The following PARM1 variants were observed in gnomAD, a reference collection of about 807,000 sequenced individuals.
The protein encoded by PARM1 is WSC4, cell wall integrity and stress response component 4 homolog.
In PARM1, 14 loss-of-function variants were observed where a neutral mutation model predicts 24.6. That is an observed-to-expected ratio of 0.57 (90% CI 0.38 to 0.89). The LOEUF (loss-of-function observed/expected upper bound fraction) is 0.89. Ranked by LOEUF, PARM1 falls within the 40% of genes least tolerant of loss-of-function variation. PARM1 has a pLI of 0.00. For synonymous variants in PARM1, 179 were observed against 156.6 expected, an observed-to-expected ratio of 1.14 and a Z score of -1.07; for missense variants, 362 against 380.4, an observed-to-expected ratio of 0.95 and a Z score of 0.40.
intron 2 of PARM1, among the ~76,000 whole-genome samples, chr4:75,023,296 G>C (rs1723122217): frequency 6.6e-6 from 1 of 152,164 alleles, no homozygotes; most frequent in Non-Finnish European, 1.5e-5. Flanking sequence ...TATCACAGGT[G>C]TTCCATTTTC....
chr4:74,950,792 CTG>C (rs1721507649), intron 1 of PARM1, among the ~76,000 whole-genome samples: 2 of 150,570 alleles, frequency 1.3e-5, no homozygotes, highest in South Asian at 4.2e-4. Context: ...CTTGATGAGA[CTG>C]TTTAAATCAG....
intron 1 of PARM1, chr4:74,956,721 G>C (rs1721642853): frequency 6.6e-6 from 1 of 152,196 alleles, no homozygotes; most frequent in Non-Finnish European, 1.5e-5. Flanking sequence ...CCTAGAACCT[G>C]AAGCCCAGTA....
At chr4:74,955,958 A>C (rs1442400966) in intron 1 of PARM1, 1 of 152,254 alleles carries the variant, frequency 6.6e-6, no homozygotes, top group Non-Finnish European at 1.5e-5. Flanking sequence ...TCCAAAAAAA[A>C]CTAATTCAAA....
chr4:74,957,120 A>G (rs1721653089), intron 1 of PARM1: 1 of 152,228 alleles, frequency 6.6e-6, no homozygotes, highest in Non-Finnish European at 1.5e-5. Context: ...ATCTAATAAG[A>G]TGCCAGCCAT....
chr4:74,959,254 C>T (rs145360507), intron 1 of PARM1, among the ~76,000 whole-genome samples: 1 of 152,216 alleles, frequency 6.6e-6, no homozygotes, highest in African/African-American at 2.4e-5. Flanking sequence ...AAGCTCTTAT[C>T]CTCCCCCCCA....
intron 1 of PARM1, among the ~76,000 whole-genome samples, chr4:74,978,592 A>C (rs906760496): frequency 2.6e-5 from 4 of 152,218 alleles, no homozygotes; most frequent in Non-Finnish European, 5.9e-5. Flanking sequence ...ACTTGAACTC[A>C]GCTCTGGATC....
In PARM1 at chr4:75,048,504, A is replaced by G. The variant is rs190820558; in HGVS notation, c.*2257A>G. Reference sequence around the variant, plus strand: ...AAAGCAGATAAAAACAGAACATTCCATATGTTTCTTTCTCCATCGGCCAAA... The same window carrying G: ...AAAGCAGATAAAAACAGAACATTCCGTATGTTTCTTTCTCCATCGGCCAAA... On this transcript the variant is annotated 3_prime_UTR_variant, in exon 4 of 4. Coordinates refer to ENST00000307428, the MANE Select transcript of PARM1 (RefSeq NM_015393.4). 5.7e-4 allele frequency: 87 copies of G among 152,264 alleles called. 3 individuals carry two copies. The highest frequency in any genetic ancestry group is 5.6e-3 in the Admixed American group (86 of 15,290). 9.4% of individuals were successfully genotyped at this position (152,264 alleles called of 1,614,324 possible). A position where few individuals can be genotyped will look rare whatever the true frequency, so the allele number is the denominator to read the frequency against.
chr4:74,934,987 C>CT (rs1721147244), intron 1 of PARM1, among the ~76,000 whole-genome samples: 1 of 56,700 alleles, frequency 1.8e-5, no homozygotes, highest in Non-Finnish European at 3.3e-5. Flanking sequence ...CCCCAAGAAG[C>CT]TCTTTTTTCT....
chr4:75,015,566 C>G (rs968497218), intron 2 of PARM1, among the ~76,000 whole-genome samples: 2 of 152,124 alleles, frequency 1.3e-5, no homozygotes, highest in African/African-American at 4.8e-5. Flanking sequence ...TGAGACCTAT[C>G]CTTTGAGATT....
At chr4:74,953,542 G>A (rs543798297) in intron 1 of PARM1, among the ~76,000 whole-genome samples, 11 of 152,320 alleles carry the variant, frequency 7.2e-5, no homozygotes, top group African/African-American at 2.6e-4. Flanking sequence ...GTGCCCAGGA[G>A]GCTAGGAGTA....
intron 1 of PARM1, among the ~76,000 whole-genome samples, chr4:74,936,991 G>T (rs1393447348): frequency 6.6e-6 from 1 of 152,046 alleles, no homozygotes; most frequent in Non-Finnish European, 1.5e-5. Flanking sequence ...CAGACGTATT[G>T]GTCCCTTGGT....
rs1334040663 is a variant in PARM1, at chr4:75,035,443, A to G, written c.848+1482A>G. ...TGGCGCACACACACAGACACCCCTG[A>G]CTTGTCCCCCAAGCAGCCATGTTTC... On this transcript the variant is annotated intron_variant, in intron 3 of 3. Coordinates refer to ENST00000307428, the MANE Select transcript of PARM1 (RefSeq NM_015393.4). 2.0e-5 allele frequency among the ~76,000 whole-genome samples: 3 copies of G among 152,006 alleles called. No individual in the cohort carries two copies. In the South Asian group the frequency reaches 6.2e-4, roughly 32 times the overall value.
At chr4:75,016,272 A>G (rs1331494934) in intron 2 of PARM1, among the ~76,000 whole-genome samples, 1 of 152,220 alleles carries the variant, frequency 6.6e-6, no homozygotes, top group Non-Finnish European at 1.5e-5. Context: ...GAGCACGATC[A>G]TTAAGGGTGG....
At chr4:74,973,372 G>T (rs560596282) in intron 1 of PARM1, among the ~76,000 whole-genome samples, 1 of 152,184 alleles carries the variant, frequency 6.6e-6, no homozygotes, top group Admixed American at 6.5e-5. Context: ...GTGTTTAAAA[G>T]AATAAATGAT....
At chr4:74,979,978 A>G (rs964301919) in intron 1 of PARM1, among the ~76,000 whole-genome samples, 1 of 152,314 alleles carries the variant, frequency 6.6e-6, no homozygotes, top group African/African-American at 2.4e-5. Context: ...CAAAATAATA[A>G]GAGCCATTTA....
At chr4:74,945,772 C>G (rs1369724646) in intron 1 of PARM1, among the ~76,000 whole-genome samples, 1 of 152,152 alleles carries the variant, frequency 6.6e-6, no homozygotes, top group Non-Finnish European at 1.5e-5. Context: ...AGAAAAACAG[C>G]CCTCAGAAGA....
intron 1 of PARM1, among the ~76,000 whole-genome samples, chr4:74,998,579 A>G (rs1722618887): frequency 6.6e-6 from 1 of 152,228 alleles, no homozygotes; most frequent in Non-Finnish European, 1.5e-5. Context: ...CAACTGATTT[A>G]GTTCATTATG....
Position 74,991,580 on chromosome 4 carries a change from G to A in PARM1, c.44-20845G>A, listed in dbSNP as rs376569103. On this transcript the variant is annotated intron_variant, in intron 1 of 3. Coordinates refer to ENST00000307428, the MANE Select transcript of PARM1 (RefSeq NM_015393.4). Reference sequence around the variant, plus strand: ...CAAGTCCAAAGCTGAGTACTGATGAGCGCATACTTATGTAGAAACATCACC... The same window carrying A: ...CAAGTCCAAAGCTGAGTACTGATGAACGCATACTTATGTAGAAACATCACC... 4.6e-5 allele frequency among the ~76,000 whole-genome samples: 7 copies of A among 152,170 alleles called. No individual in the cohort carries two copies. In the East Asian group the frequency reaches 9.6e-4, roughly 21 times the overall value.
intron 1 of PARM1, chr4:74,969,716 G>A (rs950999914): frequency 3.3e-5 from 5 of 152,318 alleles, no homozygotes; most frequent in African/African-American, 7.2e-5. Flanking sequence ...TAAATACCTC[G>A]TGAGAAGGCA....
Sources: allele counts gnomAD v4.1 joint callset (sites outside exome capture counted in the v4.1 genomes callset), GRCh38; gene constraint gnomAD v4.1.1; transcripts MANE v1.5; gene names NCBI Gene and HGNC (gene_info 2026-07-23, HGNC 2026-07-21).